The following ZDHHC17 variants were observed in gnomAD, a reference collection of about 807,000 sequenced individuals.
ZDHHC17 encodes zDHHC palmitoyltransferase 17.
A neutral mutation model predicts 90.3 loss-of-function variants in ZDHHC17; 40 were observed. That is an observed-to-expected ratio of 0.44 (90% CI 0.34 to 0.58). ZDHHC17 has a LOEUF of 0.58. ZDHHC17 is among the 20% of genes least tolerant of loss of function. The probability of loss-of-function intolerance (pLI) is 0.01; values close to 1 mark genes in which losing one functional copy is unlikely to be tolerated. For synonymous variants in ZDHHC17, 235 were observed against 252.4 expected, an observed-to-expected ratio of 0.93 and a Z score of 0.65; for missense variants, 614 against 780.8, an observed-to-expected ratio of 0.79 and a Z score of 2.55.
chr12:76,846,771 G>A (rs919600065), intron 14 of ZDHHC17, 92 bp downstream of exon 14: 3 of 1,150,032 alleles, frequency 2.6e-6, no homozygotes, highest in African/African-American at 3.1e-5. Flanking sequence ...AATGACAAAG[G>A]TCGTTTAACT....
At chr12:76,824,519 G>C (rs1413227047) in intron 8 of ZDHHC17, among the ~76,000 whole-genome samples, 1 of 150,292 alleles carries the variant, frequency 6.7e-6, no homozygotes, top group African/African-American at 2.5e-5. Flanking sequence ...AACATGTTTT[G>C]ATTTGCTAGC....
At chr12:76,805,035 A>T (rs1304898947) in intron 2 of ZDHHC17, among the ~76,000 whole-genome samples, 3 of 152,072 alleles carry the variant, frequency 2.0e-5, no homozygotes, top group African/African-American at 7.2e-5. Context: ...GTTTGGTGGG[A>T]TAAGTGGTAA....
At chr12:76,819,876 C>G (rs566949888) in intron 7 of ZDHHC17, among the ~76,000 whole-genome samples, 1 of 151,794 alleles carries the variant, frequency 6.6e-6, no homozygotes, top group African/African-American at 2.4e-5. Context: ...GTCTGTAATC[C>G]CAGCTACTCG....
At chr12:76,822,291 T>C in intron 7 of ZDHHC17, 115 bp from the exon 8 acceptor site, 1 of 1,352,302 alleles carries the variant, frequency 7.4e-7, no homozygotes, top group Middle Eastern at 2.2e-4. Flanking sequence ...ATTTACACAA[T>C]GTCAAAACAA....
chr12:76,838,446 G>C (rs1953395290), intron 10 of ZDHHC17, among the ~76,000 whole-genome samples: 1 of 152,048 alleles, frequency 6.6e-6, no homozygotes. Context: ...AGTTTTTCCT[G>C]TCCTGTTTGG....
In ZDHHC17 at chr12:76,842,902, A is replaced by T. The variant is rs762289216; in HGVS notation, c.1267-17A>T. On this transcript the variant is annotated splice_polypyrimidine_tract_variant and intron_variant, in intron 11 of 16. Transcript: ENST00000426126. Reference sequence around the variant, plus strand: ...ATTGTTCAGTTTTGAATTAAATATTATTTTTTTAATTCACAGACAATAGTT... The same window carrying T: ...ATTGTTCAGTTTTGAATTAAATATTTTTTTTTTAATTCACAGACAATAGTT... The T allele has an allele frequency of 6.3e-7, 1 of 1,582,438 alleles. No individual in the cohort carries two copies. The highest frequency in any genetic ancestry group is 8.6e-7 in the Non-Finnish European group (1 of 1,158,754).
chr12:76,770,728 G>A (rs75373097), intron 1 of ZDHHC17, among the ~76,000 whole-genome samples: 2 of 151,852 alleles, frequency 1.3e-5, no homozygotes, highest in Admixed American at 6.6e-5. Context: ...TCCTGAGGTC[G>A]GGAGTTCGAG....
chr12:76,846,491 T>G (rs906518891), intron 13 of ZDHHC17, 105 bp from the exon 14 acceptor site: 6 of 754,194 alleles, frequency 8.0e-6, no homozygotes, highest in Non-Finnish European at 1.1e-5. Context: ...GTATGTGTGA[T>G]TATCATCAAA....
intron 12 of ZDHHC17, chr12:76,844,733 G>A (rs904235038): frequency 1.6e-4 from 24 of 152,260 alleles, no homozygotes; most frequent in African/African-American, 4.8e-4. Flanking sequence ...TATTCACTGT[G>A]CCTTTTCCTT....
chr12:76,772,340 C>G (rs1476194237), intron 1 of ZDHHC17, among the ~76,000 whole-genome samples: 1 of 152,104 alleles, frequency 6.6e-6, no homozygotes, highest in African/African-American at 2.4e-5. Context: ...CAAAATTGAG[C>G]AGAAAGTACG....
intron 1 of ZDHHC17, among the ~76,000 whole-genome samples, chr12:76,780,763 T>C (rs1952613684): frequency 6.6e-6 from 1 of 152,198 alleles, no homozygotes; most frequent in South Asian, 2.1e-4. Context: ...ACTTCTTCAC[T>C]TTTCTTCAGG....
intron 1 of ZDHHC17, among the ~76,000 whole-genome samples, chr12:76,793,012 T>C (rs1336094487): frequency 6.6e-6 from 1 of 152,212 alleles, no homozygotes; most frequent in Non-Finnish European, 1.5e-5. Flanking sequence ...AATGCCTAGC[T>C]AGCTATGGCT....
intron 12 of ZDHHC17, among the ~76,000 whole-genome samples, chr12:76,843,425 G>T (rs4483638): frequency 1 from 151,370 of 152,058 alleles, 75,344 homozygotes; most frequent in Middle Eastern, 1. Context: ...TGAGTAGGTG[G>T]TTTTTTTTGT....
At chr12:76,779,148 G>A (rs1952596126) in intron 1 of ZDHHC17, among the ~76,000 whole-genome samples, 1 of 152,086 alleles carries the variant, frequency 6.6e-6, no homozygotes, top group Non-Finnish European at 1.5e-5. Context: ...TGTGTCTTTT[G>A]CCTATTTCCT....
At chr12:76,807,431 ATTAG>A (rs1165355831) in intron 3 of ZDHHC17, among the ~76,000 whole-genome samples, 1 of 152,202 alleles carries the variant, frequency 6.6e-6, no homozygotes, top group Non-Finnish European at 1.5e-5. Flanking sequence ...ACCTAGGATC[ATTAG>A]TACCTGCCAT....
rs1953579002 is a variant in ZDHHC17, at chr12:76,852,532, T to G, written c.*1547T>G. Reference sequence around the variant, plus strand: ...TAGGCATTATACCCTGCAAGTTCACTGCATGTCTGATGCTTGGTAAAACTA... The same window carrying G: ...TAGGCATTATACCCTGCAAGTTCACGGCATGTCTGATGCTTGGTAAAACTA... On this transcript the variant is annotated 3_prime_UTR_variant, in exon 17 of 17. Coordinates refer to ENST00000426126, the MANE Select transcript of ZDHHC17 (RefSeq NM_015336.4). 1 of 152,674 alleles carries G rather than the reference T, an allele frequency of 6.5e-6. No individual in the cohort carries two copies. Among genetic ancestry groups the G allele is most frequent in the Admixed American group, 6.5e-5 (1 of 15,276 alleles). The allele number at this position is 152,674 out of a possible 1,614,324, so 9.5% of individuals were successfully genotyped here.
chr12:76,801,885 G>A (rs118069969), intron 2 of ZDHHC17, among the ~76,000 whole-genome samples: 3,099 of 152,184 alleles, frequency 0.02, 52 homozygotes, highest in Admixed American at 0.042. Flanking sequence ...GAAACAATAT[G>A]TAGACACACA....
intron 7 of ZDHHC17, among the ~76,000 whole-genome samples, chr12:76,820,888 G>C (rs1953156406): frequency 6.6e-6 from 1 of 152,132 alleles, no homozygotes. Flanking sequence ...CTGAGACATG[G>C]AGTGATCAAA....
chr12:76,803,204 G>A (rs1952912393), intron 2 of ZDHHC17, among the ~76,000 whole-genome samples: 1 of 152,082 alleles, frequency 6.6e-6, no homozygotes, highest in Non-Finnish European at 1.5e-5. Flanking sequence ...AGGAAGCTAT[G>A]ATTGTGCCAC....
Sources: gnomAD v4.1 joint callset for allele counts (sites outside exome capture counted in the v4.1 genomes callset) on GRCh38, gnomAD v4.1.1 for gene constraint, MANE v1.5 for transcripts, NCBI Gene and HGNC (gene_info 2026-07-23, HGNC 2026-07-21) for gene names.